GRID2: variants seen among roughly 807,000 people sequenced by gnomAD.
The protein encoded by GRID2 is glutamate receptor ionotropic, delta-2.
In GRID2, 33 loss-of-function variants were observed where a neutral mutation model predicts 114.8. That is an observed-to-expected ratio of 0.29 (90% CI 0.22 to 0.38). The LOEUF (loss-of-function observed/expected upper bound fraction) is 0.38, where lower values mean the gene tolerates loss of function less well. Among genes scored for constraint, GRID2 ranks in the 10% least tolerant of loss-of-function variants. GRID2 has a pLI of 1.00. For missense variants in GRID2, 1,184 were observed against 1,257.7 expected, an observed-to-expected ratio of 0.94 and a Z score of 0.89; for synonymous variants, 505 against 449.9, an observed-to-expected ratio of 1.12 and a Z score of -1.55.
At chr4:92,925,234 C>A (rs1371115155) in intron 2 of GRID2, among the ~76,000 whole-genome samples, 5 of 152,018 alleles carry the variant, frequency 3.3e-5, no homozygotes, top group Non-Finnish European at 7.4e-5. Context: ...TCTCTCCTTT[C>A]ACCCCCACCA....
At chr4:92,894,985 A>T (rs2149473784) in intron 2 of GRID2, among the ~76,000 whole-genome samples, 1 of 152,138 alleles carries the variant, frequency 6.6e-6, no homozygotes, top group South Asian at 2.1e-4. Context: ...TGTCCATTCT[A>T]ACTGGCCTGA....
At chr4:93,451,353 A>G (rs1367419494) in intron 10 of GRID2, among the ~76,000 whole-genome samples, 1 of 152,098 alleles carries the variant, frequency 6.6e-6, no homozygotes, top group African/African-American at 2.4e-5. Flanking sequence ...TCCCTGTGAA[A>G]ATGAAAATCA....
chr4:92,940,304 A>C (rs1365694395), intron 2 of GRID2, among the ~76,000 whole-genome samples: 1 of 146,860 alleles, frequency 6.8e-6, no homozygotes, highest in African/African-American at 2.4e-5. Context: ...TTGGATTCCT[A>C]GGTATTTTAT....
At chr4:93,224,823 G>T in intron 7 of GRID2, 48 bp downstream of exon 7, 2 of 1,335,688 alleles carry the variant, frequency 1.5e-6, no homozygotes, top group South Asian at 2.5e-5. Flanking sequence ...ATAATTATTT[G>T]ACATATTTTA....
At chr4:93,003,046 C>T (rs1044534726) in intron 2 of GRID2, among the ~76,000 whole-genome samples, 1 of 151,766 alleles carries the variant, frequency 6.6e-6, no homozygotes, top group African/African-American at 2.4e-5. Context: ...TTGGATCCAC[C>T]TGGATAATCA....
chr4:92,968,883 A>G (rs1377598847), intron 2 of GRID2, among the ~76,000 whole-genome samples: 7 of 151,818 alleles, frequency 4.6e-5, no homozygotes, highest in East Asian at 3.9e-4. Flanking sequence ...ATGTATTTCT[A>G]TACAGACACA....
intron 13 of GRID2, among the ~76,000 whole-genome samples, chr4:93,518,755 T>C (rs946428738): frequency 1.3e-5 from 2 of 152,072 alleles, no homozygotes; most frequent in African/African-American, 4.8e-5. Context: ...ATACAAACTT[T>C]AAGCAGGTTG....
intron 2 of GRID2, among the ~76,000 whole-genome samples, chr4:92,757,054 T>C (rs145087506): frequency 2.6e-4 from 39 of 152,232 alleles, no homozygotes; most frequent in Middle Eastern, 3.4e-3. Context: ...GTTTCTCTTA[T>C]GCTTTCTTCT....
At chr4:92,858,922 G>T (rs777961805) in intron 2 of GRID2, among the ~76,000 whole-genome samples, 13 of 152,088 alleles carry the variant, frequency 8.5e-5, no homozygotes, top group Non-Finnish European at 1.5e-4. Flanking sequence ...ACTATTCTTG[G>T]TGAATATACT....
chr4:93,543,485 G>A (rs1246529082), intron 13 of GRID2, among the ~76,000 whole-genome samples: 3 of 152,136 alleles, frequency 2.0e-5, no homozygotes, highest in East Asian at 3.9e-4. Flanking sequence ...AAAATGTTAT[G>A]TTAGGTATTG....
At chr4:93,384,206 T>C (rs1191637988) in intron 8 of GRID2, among the ~76,000 whole-genome samples, 1 of 152,202 alleles carries the variant, frequency 6.6e-6, no homozygotes, top group Non-Finnish European at 1.5e-5. Flanking sequence ...GGAAGAACCC[T>C]CGTGAATTAA....
intron 4 of GRID2, among the ~76,000 whole-genome samples, chr4:93,148,880 T>C (rs1330912369): frequency 1.3e-5 from 2 of 151,160 alleles, no homozygotes; most frequent in Non-Finnish European, 3.0e-5. Context: ...TATATATATT[T>C]AGATTCTTGG....
rs192765989 is a variant in GRID2 at position 92,624,961 on chromosome 4, C to T, written c.244+34675C>T. ...TACTTTATCGCCTTAATAGTTCAGA[C>T]TAAGAAAGTCACTAAATTTTTCAAG... On this transcript the variant is annotated intron_variant, in intron 2 of 15. Transcript: ENST00000282020. 1.7e-3 allele frequency among the ~76,000 whole-genome samples: 256 copies of T among 151,790 alleles called. 1 individual carries two copies. Among genetic ancestry groups the T allele is most frequent in the South Asian group, 2.9e-3 (14 of 4,820 alleles).
intron 8 of GRID2, among the ~76,000 whole-genome samples, chr4:93,254,549 T>C (rs1004283739): frequency 5.3e-5 from 8 of 152,158 alleles, no homozygotes; most frequent in Non-Finnish European, 1.0e-4. Context: ...GGAATTGTAT[T>C]TGAAATGCTT....
chr4:92,665,186 G>T (rs960920358), intron 2 of GRID2, among the ~76,000 whole-genome samples: 15 of 148,736 alleles, frequency 1.0e-4, no homozygotes, highest in African/African-American at 3.7e-4. Context: ...TTCCTTTTCT[G>T]TGTATCCTAG....
At chr4:93,533,728 C>T (rs557433182) in intron 13 of GRID2, among the ~76,000 whole-genome samples, 4 of 151,640 alleles carry the variant, frequency 2.6e-5, no homozygotes, top group Non-Finnish European at 5.9e-5. Context: ...AAATTTTCAC[C>T]ACCTCCACCA....
At chr4:92,447,553 C>G (rs1215375360) in intron 1 of GRID2, among the ~76,000 whole-genome samples, 2 of 152,186 alleles carry the variant, frequency 1.3e-5, no homozygotes, top group South Asian at 2.1e-4. Context: ...CTGGCTCTTA[C>G]AGTACTTAAC....
At position 92,776,159 on chromosome 4, in the gene GRID2, T is replaced by C. The variant is rs542922143; in HGVS notation, c.244+185873T>C. 5.3e-5 allele frequency among the ~76,000 whole-genome samples: 8 copies of C among 152,304 alleles called. No homozygotes were observed. The East Asian group carries it at 1.5e-3, about 29-fold the overall frequency. On this transcript the variant is annotated intron_variant, in intron 2 of 15. Coordinates refer to ENST00000282020, the MANE Select transcript of GRID2 (RefSeq NM_001510.4). ...GTTAATCTTTCATCGCTATAAACTT[T>C]TGAAATATGTTCAGTGCCATGTTTG... is the stretch of plus-strand genomic sequence containing the variant.
At chr4:93,787,143 G>A (rs887376286) in intron 1 of GRID2, among the ~76,000 whole-genome samples, 2 of 151,884 alleles carry the variant, frequency 1.3e-5, no homozygotes, top group Non-Finnish European at 2.9e-5. Context: ...ATGAGGTAAA[G>A]AGAGAACATG....
Sources: allele counts gnomAD v4.1 joint callset (sites outside exome capture counted in the v4.1 genomes callset), GRCh38; gene constraint gnomAD v4.1.1; transcripts MANE v1.5; gene names NCBI Gene and HGNC (gene_info 2026-07-23, HGNC 2026-07-21).